The following AHNAK variants were observed in gnomAD, a reference collection of about 807,000 sequenced individuals.
AHNAK encodes the protein neuroblast differentiation-associated protein AHNAK.
AHNAK carries 23 observed loss-of-function variants against 37.8 expected under a neutral mutation model. The ratio of observed to expected loss-of-function variants is 0.61; its 90% CI spans 0.44 to 0.86. AHNAK has a LOEUF of 0.86. Ranked by LOEUF, AHNAK falls within the 40% of genes least tolerant of loss-of-function variation. The pLI is 0.00. For synonymous variants in AHNAK, 2,481 were observed against 2,636.3 expected, an observed-to-expected ratio of 0.94 and a Z score of 1.80; for missense variants, 7,411 against 7,319.4, an observed-to-expected ratio of 1.01 and a Z score of -0.46.
chr11:62,530,290 G>C lies in AHNAK; in HGVS notation c.4127C>G (p.Pro1376Arg). 1 of 1,612,884 alleles carries C rather than the reference G, an allele frequency of 6.2e-7. No individual in the cohort carries two copies. The highest frequency in any genetic ancestry group is 8.5e-7 in the Non-Finnish European group (1 of 1,179,752). Residue 1376 changes from proline to arginine, a missense_variant, in exon 5 of 5, where the codon CCA becomes CGA. Pro to Arg is a moderately radical substitution (Grantham distance 103). Coordinates refer to ENST00000378024, the MANE Select transcript of AHNAK (RefSeq NM_001620.3). ...CTTGGGCATCTTCAGGTGCCAATCT[G>C]GGCCATGAACATCCACATCTGGAGC... Reference protein sequence around the residue: ...ISAPDVDVHGPDWHLKMPKVK... With the variant: ...ISAPDVDVHGRDWHLKMPKVK...
At chr11:62,454,106 CAA>C (rs71458414) in intron 5 of AHNAK, among the ~76,000 whole-genome samples, 17 of 130,642 alleles carry the variant, frequency 1.3e-4, no homozygotes, top group Admixed American at 1.6e-4. Context: ...ATCTCTGTCT[CAA>C]AAAAAAAAAA....
intron 5 of AHNAK, among the ~76,000 whole-genome samples, chr11:62,458,054 C>T (rs1392348917): frequency 6.6e-6 from 1 of 151,678 alleles, no homozygotes; most frequent in South Asian, 2.1e-4. Flanking sequence ...GCTGGGATTA[C>T]AGGTGCCCGG....
rs1461004193 is a variant in AHNAK, at chr11:62,533,593, A to T, written c.824T>A (p.Val275Asp). The T allele has an allele frequency of 6.2e-7, 1 of 1,614,048 alleles. No individual in the cohort carries two copies. Among genetic ancestry groups the T allele is most frequent in the East Asian group, 2.2e-5 (1 of 44,872 alleles). ...AGAAGATGAAATGTCCACTGCTGGA[A>T]CTTGGACCCCTCCTCTGCCACCCAA... ...LDLGGRGGVQ[V>D]PAVDISSSLG... Residue 275 changes from valine to aspartate, a missense_variant, in exon 5 of 5, where the codon GTT (valine) becomes GAT (aspartate). By Grantham distance (152) the Val-to-Asp change is radical (BLOSUM62 -3). Coordinates refer to ENST00000378024, the MANE Select transcript of AHNAK (RefSeq NM_001620.3).
chr11:62,479,911 A>G (rs749874169), intron 5 of AHNAK, among the ~76,000 whole-genome samples: 18 of 152,216 alleles, frequency 1.2e-4, no homozygotes, highest in Admixed American at 2.6e-4. Flanking sequence ...CACTTCAATA[A>G]AAAGTTAAGG....
At chr11:62,544,985 A>C (rs1470095118) in intron 1 of AHNAK, among the ~76,000 whole-genome samples, 1 of 152,144 alleles carries the variant, frequency 6.6e-6, no homozygotes, top group African/African-American at 2.4e-5. Context: ...TTGGATTCTA[A>C]TGAAGACGGG....
chr11:62,445,514 G>A (rs773643348), intron 5 of AHNAK, among the ~76,000 whole-genome samples: 17 of 152,146 alleles, frequency 1.1e-4, no homozygotes, highest in Non-Finnish European at 7.3e-5. Context: ...CCAAAACAAA[G>A]GAGGAAAGAT....
intron 5 of AHNAK, among the ~76,000 whole-genome samples, chr11:62,444,316 C>A (rs996752673): frequency 2.6e-5 from 4 of 152,214 alleles, no homozygotes; most frequent in African/African-American, 9.6e-5. Context: ...CAAACACCAC[C>A]GGCCCTGTGA....
intron 5 of AHNAK, among the ~76,000 whole-genome samples, chr11:62,447,730 C>G (rs1045952981): frequency 2.6e-5 from 4 of 152,140 alleles, no homozygotes; most frequent in Admixed American, 2.0e-4. Flanking sequence ...CCTCTTGAAT[C>G]TCAGTGTTCT....
chr11:62,511,582 G>A (rs546089795), downstream of AHNAK, among the ~76,000 whole-genome samples: 6 of 152,258 alleles, frequency 3.9e-5, no homozygotes, highest in Admixed American at 2.0e-4. Flanking sequence ...ACAGAAGTAA[G>A]TGTAGAGCTT....
intron 5 of AHNAK, among the ~76,000 whole-genome samples, chr11:62,436,634 TAAA>T (rs34838843): frequency 2.8e-5 from 4 of 142,714 alleles, no homozygotes; most frequent in African/African-American, 2.6e-5. Context: ...TTCTTTTCAT[TAAA>T]AAAAAAAAAA....
chr11:62,433,889 G>C (rs1255854267), exon 6 of AHNAK: 1 of 1,613,554 alleles, frequency 6.2e-7, no homozygotes, highest in African/African-American at 1.3e-5. Context: ...CGCTTCTACA[G>C]TCCTGTAAAA....
intron 1 of AHNAK, among the ~76,000 whole-genome samples, chr11:62,536,986 G>A (rs554364303): frequency 2.8e-4 from 42 of 149,812 alleles, no homozygotes; most frequent in Non-Finnish European, 5.3e-4. Context: ...ACAGAGTCTC[G>A]TTCTGTTGCC....
intron 5 of AHNAK, among the ~76,000 whole-genome samples, chr11:62,478,680 C>T (rs1475637140): frequency 7.0e-6 from 1 of 143,688 alleles, no homozygotes; most frequent in Admixed American, 7.5e-5. Flanking sequence ...CCCAGGAGAT[C>T]GATCCTCCTG....
chr11:62,506,729 T>C (rs1939819453), intron 4 of AHNAK, among the ~76,000 whole-genome samples: 1 of 152,092 alleles, frequency 6.6e-6, no homozygotes. Flanking sequence ...ATTCAGATGA[T>C]TTGATCATAG....
In AHNAK at chr11:62,525,267, G is replaced by A; in HGVS notation, c.9150C>T (p.Asp3050=). 3.1e-6 allele frequency: 5 copies of A among 1,612,544 alleles called. No individual in the cohort carries two copies. Among genetic ancestry groups the A allele is most frequent in the Middle Eastern group, 1.7e-4 (1 of 6,046 alleles). The change falls in exon 5 of 5, where the codon GAC becomes GAT. Residue 3050 remains aspartate (D), a synonymous_variant. Coordinates refer to ENST00000378024, the MANE Select transcript of AHNAK (RefSeq NM_001620.3). ...PDVDVNLPKA[D]LDVSGPKVDI... is the part of the protein sequence containing the mutation. ...CCACCTTGGGTCCTGAGACATCAAG[G>A]TCAGCCTTGGGCAGGTTCACATCCA...
exon 6 of AHNAK, chr11:62,433,623 C>T: frequency 1.8e-6 from 1 of 560,600 alleles, no homozygotes; most frequent in Non-Finnish European, 3.2e-6. Context: ...CCCCTCTAGT[C>T]CCAAACCTAA....
downstream of AHNAK, among the ~76,000 whole-genome samples, chr11:62,514,934 T>C (rs1939980398): frequency 6.6e-6 from 1 of 152,130 alleles, no homozygotes; most frequent in Non-Finnish European, 1.5e-5. Flanking sequence ...GTGGGAGCTA[T>C]TTTATCTCTG....
At chr11:62,460,898 G>A (rs1938767794) in intron 5 of AHNAK, among the ~76,000 whole-genome samples, 1 of 151,936 alleles carries the variant, frequency 6.6e-6, no homozygotes, top group African/African-American at 2.4e-5. Flanking sequence ...TCGGCTCACT[G>A]CAAGCTCCGC....
intron 5 of AHNAK, among the ~76,000 whole-genome samples, chr11:62,479,170 T>TC (rs1200169327): frequency 8.3e-5 from 12 of 145,340 alleles, no homozygotes; most frequent in African/African-American, 1.5e-4. Context: ...CTTTTTTCTT[T>TC]TTTTTTTTTT....
Sources: gnomAD v4.1 joint callset for allele counts (sites outside exome capture counted in the v4.1 genomes callset) on GRCh38, gnomAD v4.1.1 for gene constraint, MANE v1.5 for transcripts, NCBI Gene and HGNC (gene_info 2026-07-23, HGNC 2026-07-21) for gene names.